Variants in RTKN2 observed in about 807,000 individuals in gnomAD.
The protein encoded by RTKN2 is rhotekin 2, also known as rhotekin-2.
In RTKN2, 69 loss-of-function variants were observed where a neutral mutation model predicts 71.5. The ratio of observed to expected loss-of-function variants is 0.96; its 90% CI spans 0.79 to 1.18. The LOEUF is 1.18. Among genes scored for constraint, RTKN2 ranks in the 50% most tolerant of loss-of-function variants. RTKN2 has a pLI of 0.00. For synonymous variants in RTKN2, 236 were observed against 236.5 expected (o/e 1.00, Z 0.02); for missense variants, 724 against 719.7 (o/e 1.01, Z -0.07).
chr10:62,225,595 ATAG>A (rs989058127), intron 6 of RTKN2, among the ~76,000 whole-genome samples: 9 of 152,166 alleles, frequency 5.9e-5, no homozygotes, highest in African/African-American at 1.7e-4. Flanking sequence ...GGTTTTATCT[ATAG>A]TGTGAGAACA....
intron 9 of RTKN2, among the ~76,000 whole-genome samples, chr10:62,215,559 A>G (rs1425011850): frequency 2.0e-5 from 3 of 152,004 alleles, no homozygotes; most frequent in Admixed American, 6.6e-5. Flanking sequence ...CATTTTGAGC[A>G]TGACAATAAT....
intron 3 of RTKN2, among the ~76,000 whole-genome samples, chr10:62,241,758 G>A (rs1842379928): frequency 6.6e-6 from 1 of 152,036 alleles, no homozygotes; most frequent in African/African-American, 2.4e-5. Context: ...GAGTGCAGTG[G>A]CACAATCTCA....
rs531285036 is a variant in RTKN2 at position 62,197,579 on chromosome 10, C to T, written c.*329G>A. 104 of 1,044,742 alleles carry T rather than the reference C, an allele frequency of 1.0e-4. 2 individuals are homozygous for T. In the South Asian group the frequency reaches 4.1e-3, roughly 42 times the overall value. 64.7% of individuals were successfully genotyped at this position (1,044,742 alleles called of 1,614,324 possible). On this transcript the variant is annotated 3_prime_UTR_variant, in exon 12 of 12. Coordinates refer to ENST00000373789, the MANE Select transcript of RTKN2 (RefSeq NM_145307.4). ...CATTTTAAATTACTAGACAGTCTCT[C>T]CCCAAAAGAAATTTTAATGCTTTAT...
Position 62,194,860 on chromosome 10 carries a change from CATTT to C in RTKN2, c.*3044_*3047del. On this transcript the variant is annotated 3_prime_UTR_variant, in exon 12 of 12. Coordinates refer to ENST00000373789, the MANE Select transcript of RTKN2 (RefSeq NM_145307.4). ...AAGATCCCAAAGGGTAAAGATAAGG[CATTT>C]ATAATAAATGGATTTAGTTTTCCAC... The C allele has an allele frequency of 1.0e-6, 1 of 984,944 alleles. No homozygotes were observed. The highest frequency in any genetic ancestry group is 1.2e-6 in the Non-Finnish European group (1 of 829,552). The allele number at this position is 984,944 out of a possible 1,614,324, so 61.0% of individuals were successfully genotyped here. A position where few individuals can be genotyped will look rare whatever the true frequency, so the allele number is the denominator to read the frequency against.
At chr10:62,184,991 G>A (rs1404442899) in intron 8 of RTKN2, among the ~76,000 whole-genome samples, 7 of 152,040 alleles carry the variant, frequency 4.6e-5, no homozygotes, top group African/African-American at 1.7e-4. Flanking sequence ...ATTGGTAAGC[G>A]GTCACTCCAG....
intron 10 of RTKN2, among the ~76,000 whole-genome samples, chr10:62,201,035 C>T (rs1841430578): frequency 6.6e-6 from 1 of 152,060 alleles, no homozygotes; most frequent in Non-Finnish European, 1.5e-5. Context: ...ACTTATTGTG[C>T]ACCTGCATGC....
At chr10:62,256,814 G>A (rs1015414699) in intron 2 of RTKN2, among the ~76,000 whole-genome samples, 2 of 152,094 alleles carry the variant, frequency 1.3e-5, no homozygotes, top group African/African-American at 2.4e-5. Flanking sequence ...TACTATTCTT[G>A]TAATTTTTAC....
At chr10:62,184,226 CG>C (rs959352637) in exon 9 of RTKN2, 4 of 737,294 alleles carry the variant, frequency 5.4e-6, no homozygotes, top group Non-Finnish European at 8.9e-6. Flanking sequence ...GAAGGAGACG[CG>C]TTGTCTTTTC....
At chr10:62,231,877 T>A (rs1447497050) in intron 6 of RTKN2, among the ~76,000 whole-genome samples, 1 of 152,174 alleles carries the variant, frequency 6.6e-6, no homozygotes, top group Non-Finnish European at 1.5e-5. Flanking sequence ...ACAAAATTGA[T>A]CCCCTTATGC....
chr10:62,218,358 G>T, intron 7 of RTKN2, 57 bp from the exon 8 acceptor site: 2 of 1,119,832 alleles, frequency 1.8e-6, no homozygotes, highest in Non-Finnish European at 2.6e-6. Context: ...TTTATTTAAG[G>T]TCATCATACA....
In RTKN2 at chr10:62,197,123, T is replaced by C. The variant is rs1018394367; in HGVS notation, c.*785A>G. The C allele has an allele frequency of 7.1e-6, 7 of 980,728 alleles. No homozygotes were observed. Among genetic ancestry groups the C allele is most frequent in the Non-Finnish European group, 7.3e-6 (6 of 825,710 alleles). The allele number at this position is 980,728 out of a possible 1,614,324, so 60.8% of individuals were successfully genotyped here. Reference sequence around the variant, plus strand: ...TAAGTATTAAATGAATTTTAAGGTGTTGATCAGCTACTCACTTCCCTAAAT... The same window carrying C: ...TAAGTATTAAATGAATTTTAAGGTGCTGATCAGCTACTCACTTCCCTAAAT... On this transcript the variant is annotated 3_prime_UTR_variant, in exon 12 of 12. Coordinates refer to ENST00000373789, the MANE Select transcript of RTKN2 (RefSeq NM_145307.4).
intron 3 of RTKN2, 112 bp from the exon 4 acceptor site, chr10:62,241,307 A>C (rs112755470): frequency 3.2e-6 from 2 of 619,496 alleles, no homozygotes; most frequent in Non-Finnish European, 2.9e-6. Context: ...AGCTAAAATA[A>C]AGTGTTATTA....
intron 2 of RTKN2, among the ~76,000 whole-genome samples, chr10:62,249,383 G>A (rs1340298103): frequency 1.3e-5 from 2 of 150,186 alleles, no homozygotes; most frequent in South Asian, 4.2e-4. Flanking sequence ...TTGCGGGGTT[G>A]GGGGGTGGTG....
At position 62,198,399 on chromosome 10, in the gene RTKN2, G is replaced by GT; in HGVS notation, c.1338dup (p.Gln447ThrfsTer5). The stretch of plus-strand genomic sequence containing the variant: ...CCATTTGTCTCTTCAATTTTTTTTT[G>GT]TATTATATCCGTTAAACTTTCAAGT... On this transcript the variant is annotated frameshift_variant, in exon 12 of 12. Coordinates refer to ENST00000373789, the MANE Select transcript of RTKN2 (RefSeq NM_145307.4). LOFTEE classifies it high-confidence loss of function. 2 of 1,574,362 alleles carry GT rather than the reference G, an allele frequency of 1.3e-6. No homozygotes were observed. The highest frequency in any genetic ancestry group is 1.7e-6 in the Non-Finnish European group (2 of 1,162,570).
intron 2 of RTKN2, among the ~76,000 whole-genome samples, chr10:62,261,491 C>CA (rs1022477221): frequency 2.1e-4 from 31 of 147,502 alleles, no homozygotes; most frequent in Non-Finnish European, 2.9e-4. Context: ...AATACAAATA[C>CA]AAAAAAAAAA....
chr10:62,264,980 G>GA (rs1412516222), intron 1 of RTKN2, among the ~76,000 whole-genome samples: 1 of 151,956 alleles, frequency 6.6e-6, no homozygotes, highest in African/African-American at 2.4e-5. Context: ...CCACATTAAG[G>GA]AATCAGTTTG....
chr10:62,230,874 A>G (rs1842134423), intron 6 of RTKN2, among the ~76,000 whole-genome samples: 1 of 152,202 alleles, frequency 6.6e-6, no homozygotes, highest in Non-Finnish European at 1.5e-5. Context: ...ATTTTACTAA[A>G]CTGGAAGAAT....
At chr10:62,247,252 C>T (rs1006224833) in intron 2 of RTKN2, among the ~76,000 whole-genome samples, 2 of 151,880 alleles carry the variant, frequency 1.3e-5, no homozygotes, top group Admixed American at 6.6e-5. Flanking sequence ...ATAATGCATC[C>T]AAATTTGAAA....
In RTKN2 at chr10:62,196,805, T is replaced by C; in HGVS notation, c.*1103A>G. On this transcript the variant is annotated 3_prime_UTR_variant, in exon 12 of 12. Transcript: ENST00000373789. ...TGCTCTTGTTTACAAAAAGCATTAT[T>C]ATAAAAAATGGATTTTTTGTTCCTT... The C allele has an allele frequency of 1.0e-6, 1 of 975,916 alleles. No individual in the cohort carries two copies. Among genetic ancestry groups the C allele is most frequent in the Non-Finnish European group, 1.2e-6 (1 of 821,280 alleles). The allele number at this position is 975,916 out of a possible 1,614,324, so 60.5% of individuals were successfully genotyped here.
Sources: gnomAD v4.1 joint callset for allele counts (sites outside exome capture counted in the v4.1 genomes callset) on GRCh38, gnomAD v4.1.1 for gene constraint, MANE v1.5 for transcripts, NCBI Gene and HGNC (gene_info 2026-07-23, HGNC 2026-07-21) for gene names.